TTC17: variants seen among roughly 807,000 people sequenced by gnomAD.
TTC17 encodes tetratricopeptide repeat protein 17.
A neutral mutation model predicts 143.8 loss-of-function variants in TTC17; 58 were observed. That is an observed-to-expected ratio of 0.40 (90% CI 0.33 to 0.50). TTC17 has a LOEUF of 0.50. Ranked by LOEUF, TTC17 falls within the 20% of genes least tolerant of loss-of-function variation. The pLI, the probability that TTC17 is intolerant of heterozygous loss-of-function variation, is 0.49. For missense variants in TTC17, 1,273 were observed against 1,392.5 expected (o/e 0.91, Z 1.37); for synonymous variants, 501 against 497.8 (o/e 1.01, Z -0.09).
chr11:43,384,173 C>A (rs1857084047), intron 2 of TTC17, among the ~76,000 whole-genome samples: 1 of 151,072 alleles, frequency 6.6e-6, no homozygotes. Context: ...CTATAGTTAC[C>A]AAACTTACAA....
At chr11:43,381,289 G>C (rs931840492) in intron 2 of TTC17, among the ~76,000 whole-genome samples, 1 of 152,156 alleles carries the variant, frequency 6.6e-6, no homozygotes, top group African/African-American at 2.4e-5. Flanking sequence ...AGGCAGGCTT[G>C]AAAGTAGTAT....
chr11:43,361,907 A>C (rs1856119992), intron 1 of TTC17, among the ~76,000 whole-genome samples: 1 of 151,990 alleles, frequency 6.6e-6, no homozygotes, highest in African/African-American at 2.4e-5. Flanking sequence ...TATATGGGTC[A>C]TTGTTTTCCA....
intron 2 of TTC17, among the ~76,000 whole-genome samples, chr11:43,383,664 C>G (rs567825698): frequency 6.6e-6 from 1 of 152,028 alleles, no homozygotes; most frequent in Non-Finnish European, 1.5e-5. Context: ...CCACCGTGCC[C>G]GGCCACAAAC....
At chr11:43,423,785 A>G (rs562546930) in intron 16 of TTC17, among the ~76,000 whole-genome samples, 2 of 152,336 alleles carry the variant, frequency 1.3e-5, no homozygotes, top group African/African-American at 4.8e-5. Flanking sequence ...CTATGGAAAA[A>G]TCATGATAGT....
Position 43,444,215 on chromosome 11 carries a change from T to C in TTC17, c.2665+6T>C. On this transcript the variant is annotated splice_donor_region_variant and intron_variant, in intron 18 of 23. Transcript: ENST00000039989. ...GGCATCTCCTGGGCCACAAGGTAAA[T>C]TTGAATGTTTAATATGCCAGTTTCT... 6.3e-7 allele frequency: 1 copy of C among 1,592,850 alleles called. No individual in the cohort carries two copies. Among genetic ancestry groups the C allele is most frequent in the Non-Finnish European group, 8.5e-7 (1 of 1,173,766 alleles).
intron 3 of TTC17, among the ~76,000 whole-genome samples, chr11:43,390,754 A>G (rs1857354225): frequency 6.6e-6 from 1 of 152,128 alleles, no homozygotes; most frequent in Non-Finnish European, 1.5e-5. Context: ...ATGGAAAAAA[A>G]TTTCTCAGAA....
At position 43,448,010 on chromosome 11, in the gene TTC17, C is replaced by A. The variant is rs142621657; in HGVS notation, c.2674C>A (p.Arg892Ser). 1 of 1,613,622 alleles carries A rather than the reference C, an allele frequency of 6.2e-7. No individual in the cohort carries two copies. The highest frequency in any genetic ancestry group is 8.5e-7 in the Non-Finnish European group (1 of 1,179,762). Residue 892 changes from arginine to serine, a missense_variant, in exon 19 of 24, where the codon CGT becomes AGT. Coordinates refer to ENST00000039989, the MANE Select transcript of TTC17 (RefSeq NM_018259.6). ...VASPGPQGKK[R>S]DYQRLGWPSP... ...GCATACTTTCCTTCCAGGAAAAAAA[C>A]GTGACTACCAGCGTCTGGGATGGCC... is the stretch of plus-strand genomic sequence containing the variant.
intron 11 of TTC17, 78 bp from the exon 12 acceptor site, chr11:43,405,436 T>C: frequency 3.9e-6 from 4 of 1,037,828 alleles, no homozygotes; most frequent in Non-Finnish European, 6.0e-6. Flanking sequence ...TATTGTAGTA[T>C]ATCATTTTAA....
intron 21 of TTC17, among the ~76,000 whole-genome samples, chr11:43,481,298 A>G (rs1330103243): frequency 2.6e-5 from 4 of 152,304 alleles, no homozygotes; most frequent in Middle Eastern, 3.4e-3. Flanking sequence ...TCCATTATGC[A>G]TAAGTCAGTC....
At chr11:43,464,279 CAAA>C (rs71449848) in intron 21 of TTC17, among the ~76,000 whole-genome samples, 4 of 97,322 alleles carry the variant, frequency 4.1e-5, no homozygotes, top group African/African-American at 7.7e-5. Context: ...GACTCCATCT[CAAA>C]AAAAAAAAAA....
rs139175829 is a variant in TTC17 at position 43,448,062 on chromosome 11, G to A, written c.2726G>A (p.Arg909His). The A allele has an allele frequency of 1.6e-5, 26 of 1,613,982 alleles. No individual in the cohort carries two copies. Among genetic ancestry groups the A allele is most frequent in the Middle Eastern group, 3.3e-4 (2 of 6,082 alleles). Reference protein sequence around the residue: ...WPSPDECLKLRWVELTAIVST... With the variant: ...WPSPDECLKLHWVELTAIVST... ...AGCCCGGACGAATGCCTCAAACTCCGCTGGGTAGAGCTGACTGCCATCGTG... is the reference window on the plus strand; with the variant it reads ...AGCCCGGACGAATGCCTCAAACTCCACTGGGTAGAGCTGACTGCCATCGTG... Residue 909 changes from arginine to histidine, a missense_variant, in exon 19 of 24, where the codon CGC becomes CAC. Arg to His is a conservative substitution (Grantham distance 29). Transcript: ENST00000039989.
intron 1 of TTC17, among the ~76,000 whole-genome samples, chr11:43,364,090 C>G (rs1473748299): frequency 8.3e-6 from 1 of 120,566 alleles, no homozygotes; most frequent in African/African-American, 3.1e-5. Context: ...GAGTCTCACT[C>G]TTATCACCCA....
intron 1 of TTC17, among the ~76,000 whole-genome samples, chr11:43,364,874 C>T (rs906878968): frequency 1.3e-5 from 2 of 152,024 alleles, no homozygotes; most frequent in East Asian, 1.9e-4. Flanking sequence ...GGCGTGATCT[C>T]GGCTCACCTC....
intron 1 of TTC17, chr11:43,359,387 G>A (rs1303802049): frequency 1.9e-5 from 8 of 425,202 alleles, no homozygotes; most frequent in African/African-American, 1.7e-4. Context: ...AGCTGCGGGA[G>A]ACGGGCCCTA....
At chr11:43,457,143 G>T (rs1452092080) in intron 21 of TTC17, among the ~76,000 whole-genome samples, 3 of 151,934 alleles carry the variant, frequency 2.0e-5, no homozygotes. Context: ...GGCACTCTGG[G>T]GATTCTGATT....
At chr11:43,479,809 AAGTG>A (rs1948252579) in intron 21 of TTC17, among the ~76,000 whole-genome samples, 1 of 152,208 alleles carries the variant, frequency 6.6e-6, no homozygotes, top group African/African-American at 2.4e-5. Context: ...AAAGGGCAGC[AAGTG>A]ATTAGGGTTT....
At chr11:43,365,458 G>A (rs938462427) in intron 1 of TTC17, among the ~76,000 whole-genome samples, 7 of 151,984 alleles carry the variant, frequency 4.6e-5, no homozygotes, top group East Asian at 1.9e-4. Context: ...TTGTAGAGAC[G>A]GGGTTTTGCC....
intron 10 of TTC17, among the ~76,000 whole-genome samples, chr11:43,402,077 G>A (rs138551196): frequency 2.4e-4 from 36 of 152,122 alleles, no homozygotes; most frequent in Non-Finnish European, 4.0e-4. Flanking sequence ...TTATGTTTAC[G>A]AAGTCAGATT....
At chr11:43,451,938 C>G (rs1351478128) in intron 21 of TTC17, among the ~76,000 whole-genome samples, 1 of 152,112 alleles carries the variant, frequency 6.6e-6, no homozygotes, top group Non-Finnish European at 1.5e-5. Flanking sequence ...CCGAGTATCG[C>G]ACATGGAAAA....
Sources: gnomAD v4.1 joint callset for allele counts (sites outside exome capture counted in the v4.1 genomes callset) on GRCh38, gnomAD v4.1.1 for gene constraint, MANE v1.5 for transcripts, NCBI Gene and HGNC (gene_info 2026-07-23, HGNC 2026-07-21) for gene names.